The following ZNF148 variants were observed in gnomAD, a reference collection of about 807,000 sequenced individuals.
ZNF148 encodes the protein Beta-Enolase Repressor Factor-1.
ZNF148 carries 7 observed loss-of-function variants against 67.7 expected under a neutral mutation model. That is an observed-to-expected ratio of 0.10 (90% CI 0.06 to 0.19). The LOEUF is 0.19. Ranked by LOEUF, ZNF148 falls within the 10% of genes least tolerant of loss-of-function variation. The probability of loss-of-function intolerance (pLI) is 1.00; values close to 1 mark genes in which losing one functional copy is unlikely to be tolerated. For synonymous variants in ZNF148, 333 were observed against 330.7 expected, an observed-to-expected ratio of 1.01 and a Z score of -0.08; for missense variants, 583 against 947.1, an observed-to-expected ratio of 0.62 and a Z score of 5.05.
At chr3:125,243,049 G>A (rs1936438081) in intron 7 of ZNF148, among the ~76,000 whole-genome samples, 1 of 152,164 alleles carries the variant, frequency 6.6e-6, no homozygotes, top group African/African-American at 2.4e-5. Flanking sequence ...AGGGAGGAGA[G>A]TTCTCTGAAG....
At chr3:125,340,079 G>T (rs1941650706) in intron 1 of ZNF148, among the ~76,000 whole-genome samples, 1 of 152,130 alleles carries the variant, frequency 6.6e-6, no homozygotes, top group African/African-American at 2.4e-5. Context: ...TAAAAAGGCA[G>T]TAAACCAATT....
chr3:125,282,277 A>G (rs1487131783), intron 5 of ZNF148, among the ~76,000 whole-genome samples: 1 of 152,112 alleles, frequency 6.6e-6, no homozygotes, highest in Non-Finnish European at 1.5e-5. Context: ...GTAGAATGTG[A>G]TCTACCAGCT....
At chr3:125,302,403 G>GA (rs545051147) in intron 4 of ZNF148, among the ~76,000 whole-genome samples, 2 of 149,864 alleles carry the variant, frequency 1.3e-5, no homozygotes, top group South Asian at 2.1e-4. Flanking sequence ...AAAAAGAAAA[G>GA]AAAAAAAAAG....
intron 1 of ZNF148, among the ~76,000 whole-genome samples, chr3:125,373,675 AC>A (rs2107807090): frequency 6.6e-6 from 1 of 152,206 alleles, no homozygotes; most frequent in East Asian, 1.9e-4. Flanking sequence ...GCAGGCCCAC[AC>A]TTTGCTGGCT....
chr3:125,267,075 G>GA (rs35531442), intron 7 of ZNF148, among the ~76,000 whole-genome samples: 21,454 of 105,138 alleles, frequency 0.2, 1,933 homozygotes, highest in Non-Finnish European at 0.27. Flanking sequence ...AACCAGGAAA[G>GA]AAAAAAAAAA....
chr3:125,272,004 G>C (rs1370040631), intron 7 of ZNF148, among the ~76,000 whole-genome samples: 1 of 152,138 alleles, frequency 6.6e-6, no homozygotes, highest in Non-Finnish European at 1.5e-5. Flanking sequence ...GCTTCCTTCA[G>C]TACACTGTAG....
At chr3:125,246,904 T>C (rs981716978) in intron 7 of ZNF148, among the ~76,000 whole-genome samples, 1 of 152,166 alleles carries the variant, frequency 6.6e-6, no homozygotes, top group African/African-American at 2.4e-5. Flanking sequence ...CTTTGGCATA[T>C]AGTGCTTCCA....
rs1935862579 is a variant in ZNF148 at position 125,231,732 on chromosome 3, A to T, written c.*609T>A. 6.6e-6 allele frequency: 1 copy of T among 152,602 alleles called. No homozygotes were observed. The highest frequency in any genetic ancestry group is 2.1e-4 in the South Asian group (1 of 4,832). 9.5% of individuals were successfully genotyped at this position (152,602 alleles called of 1,614,324 possible). On this transcript the variant is annotated 3_prime_UTR_variant, in exon 9 of 9. Transcript: ENST00000360647. ...AGGCTTTTAAATAGTGGAGTCTTAGACTATCAGATTTTTATTACTTTTTTT... is the reference window on the plus strand; with the variant it reads ...AGGCTTTTAAATAGTGGAGTCTTAGTCTATCAGATTTTTATTACTTTTTTT...
At chr3:125,333,802 T>C (rs534262323) in intron 1 of ZNF148, among the ~76,000 whole-genome samples, 31 of 152,218 alleles carry the variant, frequency 2.0e-4, no homozygotes, top group Non-Finnish European at 3.8e-4. Flanking sequence ...ATGATGAGGT[T>C]ATGTCCCAAT....
At chr3:125,278,193 A>G (rs902090846) in intron 6 of ZNF148, among the ~76,000 whole-genome samples, 12 of 152,096 alleles carry the variant, frequency 7.9e-5, no homozygotes, top group Non-Finnish European at 1.8e-4. Context: ...CTCCCTAGTT[A>G]ACCATCCATT....
intron 7 of ZNF148, among the ~76,000 whole-genome samples, chr3:125,247,142 C>A (rs939838593): frequency 2.0e-5 from 3 of 152,132 alleles, no homozygotes; most frequent in Non-Finnish European, 4.4e-5. Context: ...TTCTGGGTAT[C>A]AAACTTTTTA....
At chr3:125,344,854 A>G in intron 1 of ZNF148, 1 of 287,532 alleles carries the variant, frequency 3.5e-6, no homozygotes, top group South Asian at 3.8e-5. Context: ...GATGGGACAC[A>G]GGGGAAGTGG....
chr3:125,313,406 C>T lies in ZNF148; in HGVS notation c.235G>A (p.Glu79Lys). The change falls in exon 4 of 9, where the codon GAA becomes AAA. Residue 79 changes from glutamate (E) to lysine (K), a missense_variant. By Grantham distance (56) the Glu-to-Lys change is moderately conservative (BLOSUM62 1). This residue lies in a region of ZNF148 where 150 missense variants were observed against 202.5 expected (regional missense o/e 0.74). Transcript: ENST00000360647. ...ACTGTCTCCTCATGGACCATGAGTT[C>T]ATCATGTGATATCATATCCTGTTGT... Reference protein sequence around the residue: ...MRQQDMISHDELMVHEETVKN... With the variant: ...MRQQDMISHDKLMVHEETVKN... 1 of 1,614,078 alleles carries T rather than the reference C, an allele frequency of 6.2e-7. No individual in the cohort carries two copies. The highest frequency in any genetic ancestry group is 8.5e-7 in the Non-Finnish European group (1 of 1,179,980).
chr3:125,308,377 G>T (rs374133244), intron 4 of ZNF148, among the ~76,000 whole-genome samples: 1 of 151,936 alleles, frequency 6.6e-6, no homozygotes, highest in African/African-American at 2.4e-5. Context: ...GAAAACTACA[G>T]AACAATGCTG....
intron 5 of ZNF148, among the ~76,000 whole-genome samples, chr3:125,281,092 T>TA (rs1439415764): frequency 6.6e-6 from 1 of 152,374 alleles, no homozygotes; most frequent in East Asian, 1.9e-4. Flanking sequence ...AGATCAGTGG[T>TA]AATTATTATG....
rs757730912 is a variant in ZNF148 at position 125,288,157 on chromosome 3, T to C, written c.405A>G (p.Arg135=). The C allele has an allele frequency of 3.2e-5, 51 of 1,613,818 alleles. No homozygotes were observed. The highest frequency in any genetic ancestry group is 4.0e-5 in the Non-Finnish European group (47 of 1,179,912). The change falls in exon 5 of 9, where the codon AGA becomes AGG. Residue 135 remains arginine (R), a synonymous_variant. Transcript: ENST00000360647. ...EQLMRDKKQI[R]EPVDLQKKKK... is the part of the protein sequence containing the mutation. ...TCTTTTTCTGTAAGTCTACTGGCTC[T>C]CTGATTTGTTTTTTGTCTCTCATCA... is the stretch of plus-strand genomic sequence containing the variant.
chr3:125,370,918 C>T (rs922519110), intron 1 of ZNF148, among the ~76,000 whole-genome samples: 4 of 152,244 alleles, frequency 2.6e-5, no homozygotes, highest in African/African-American at 7.2e-5. Context: ...TTTTCTTCAG[C>T]CTCCTCAAAA....
At chr3:125,311,397 TC>T (rs1940203561) in intron 4 of ZNF148, 1 of 152,346 alleles carries the variant, frequency 6.6e-6, no homozygotes, top group African/African-American at 2.4e-5. Context: ...CATACCTTTT[TC>T]TTAAAAGAGT....
chr3:125,286,538 C>CA (rs1317197474), intron 5 of ZNF148, among the ~76,000 whole-genome samples: 13 of 152,144 alleles, frequency 8.5e-5, no homozygotes, highest in African/African-American at 2.9e-4. Flanking sequence ...ATCAATAGTG[C>CA]ACAAAGATAC....
Sources: gnomAD v4.1 joint callset for allele counts (sites outside exome capture counted in the v4.1 genomes callset) on GRCh38, gnomAD v4.1.1 for gene constraint, gnomAD v4.1.1 regional missense constraint, MANE v1.5 for transcripts, NCBI Gene and HGNC (gene_info 2026-07-23, HGNC 2026-07-21) for gene names.